The following NKD1 variants were observed in gnomAD, a reference collection of about 807,000 sequenced individuals.
The protein encoded by NKD1 is NKD inhibitor of Wnt signaling pathway 1, also known as protein naked cuticle homolog 1.
In NKD1, 21 loss-of-function variants were observed where a neutral mutation model predicts 56.0. The observed-to-expected ratio is 0.38, with a 90% CI of 0.27 to 0.54. The LOEUF is 0.54. NKD1 is among the 20% of genes least tolerant of loss of function. NKD1 has a pLI of 0.82. For synonymous variants in NKD1, 263 were observed against 265.7 expected (o/e 0.99, Z 0.10); for missense variants, 578 against 642.7 (o/e 0.90, Z 1.09).
At chr16:50,608,591 G>A in intron 4 of NKD1, 1 of 582,478 alleles carries the variant, frequency 1.7e-6, no homozygotes, top group Non-Finnish European at 3.1e-6. Context: ...CTAGGTCCAT[G>A]TCCTGGCCCT....
intron 4 of NKD1, among the ~76,000 whole-genome samples, chr16:50,617,687 C>T (rs1370775602): frequency 6.6e-6 from 1 of 152,158 alleles, no homozygotes; most frequent in Non-Finnish European, 1.5e-5. Flanking sequence ...TTACCAACCC[C>T]CCAGATTCAT....
At chr16:50,597,587 A>G (rs1961501202) in intron 3 of NKD1, among the ~76,000 whole-genome samples, 3 of 152,214 alleles carry the variant, frequency 2.0e-5, no homozygotes, top group African/African-American at 7.2e-5. Context: ...CCTTCCAGAA[A>G]CATTCTGGAA....
chr16:50,595,484 G>A (rs1961453270), intron 3 of NKD1, among the ~76,000 whole-genome samples: 1 of 152,082 alleles, frequency 6.6e-6, no homozygotes, highest in African/African-American at 2.4e-5. Context: ...GAAATGTGGG[G>A]CTCAGACAGC....
chr16:50,608,021 T>G, intron 3 of NKD1: 5 of 443,722 alleles, frequency 1.1e-5, no homozygotes, highest in East Asian at 4.4e-5. Flanking sequence ...CCGGAAGGCA[T>G]GTGTGTTGGT....
At chr16:50,576,283 G>GCTATA in intron 3 of NKD1, among the ~76,000 whole-genome samples, 1 of 152,260 alleles carries the variant, frequency 6.6e-6, no homozygotes, top group South Asian at 2.1e-4. Flanking sequence ...GGGAGGAGCA[G>GCTATA]CTATACTCAC....
rs757940828 is a variant in NKD1, at chr16:50,641,700, G to T, written c.*7919G>T. 1.3e-5 allele frequency: 2 copies of T among 152,274 alleles called. No homozygotes were observed. Among genetic ancestry groups the T allele is most frequent in the Non-Finnish European group, 2.9e-5 (2 of 68,084 alleles). The allele number at this position is 152,274 out of a possible 1,614,324, so 9.4% of individuals were successfully genotyped here. A position where few individuals can be genotyped will look rare whatever the true frequency, so the allele number is the denominator to read the frequency against. On this transcript the variant is annotated 3_prime_UTR_variant, in exon 10 of 10. Transcript: ENST00000268459. Reference sequence around the variant, plus strand: ...AGCCTCAAGCACCTAAGTTTTGGAGGTCAGTGATGCCACTTAAAAACCTGT... The same window carrying T: ...AGCCTCAAGCACCTAAGTTTTGGAGTTCAGTGATGCCACTTAAAAACCTGT...
At chr16:50,556,915 T>C (rs1960516827) in intron 3 of NKD1, 1 of 152,044 alleles carries the variant, frequency 6.6e-6, no homozygotes, top group African/African-American at 2.4e-5. Context: ...TCAAGGTACA[T>C]GTACAGGTTT....
At position 50,636,629 on chromosome 16, in the gene NKD1, T is replaced by G. The variant is rs1200558800; in HGVS notation, c.*2848T>G. ...CTTCAATTGAAATACTGTGCCTCAG[T>G]TTCTCCTTTATAAAGGCAGGGATCA... On this transcript the variant is annotated 3_prime_UTR_variant, in exon 10 of 10. Transcript: ENST00000268459. 6.6e-6 allele frequency: 1 copy of G among 152,210 alleles called. No individual in the cohort carries two copies. The highest frequency in any genetic ancestry group is 2.4e-5 in the African/African-American group (1 of 41,462). The allele number at this position is 152,210 out of a possible 1,614,324, so 9.4% of individuals were successfully genotyped here.
At chr16:50,597,238 G>A (rs926060373) in intron 3 of NKD1, among the ~76,000 whole-genome samples, 1 of 152,100 alleles carries the variant, frequency 6.6e-6, no homozygotes, top group Non-Finnish European at 1.5e-5. Context: ...AGCCTCTGGG[G>A]TGTCTGGCCA....
intron 4 of NKD1, 145 bp downstream of exon 4, chr16:50,608,505 A>C: frequency 1.2e-5 from 6 of 503,838 alleles, no homozygotes; most frequent in Admixed American, 2.1e-5. Context: ...GGTGGACTAG[A>C]GGGTGGGATG....
At position 50,647,168 on chromosome 16, in the gene NKD1, A is replaced by C. The variant is rs890450151; in HGVS notation, c.*13387A>C. 1 of 152,218 alleles carries C rather than the reference A, an allele frequency of 6.6e-6. No homozygotes were observed. Among genetic ancestry groups the C allele is most frequent in the Non-Finnish European group, 1.5e-5 (1 of 68,040 alleles). 9.4% of individuals were successfully genotyped at this position (152,218 alleles called of 1,614,324 possible). Reference sequence around the variant, plus strand: ...TGTGGTCTCTGTAGTTGACCCCATCATCCTTTCTGTCCATAGGTGATTCGT... The same window carrying C: ...TGTGGTCTCTGTAGTTGACCCCATCCTCCTTTCTGTCCATAGGTGATTCGT... On this transcript the variant is annotated 3_prime_UTR_variant, in exon 10 of 10. Coordinates refer to ENST00000268459, the MANE Select transcript of NKD1 (RefSeq NM_033119.5).
chr16:50,589,713 T>C (rs190451478), intron 3 of NKD1, among the ~76,000 whole-genome samples: 5 of 35,430 alleles, frequency 1.4e-4, no homozygotes, highest in East Asian at 6.3e-4. Context: ...TCTTCTCTTC[T>C]CTTCTCTTCT....
chr16:50,560,823 C>CT lies in NKD1; in HGVS notation c.192+11268_192+11269insT, dbSNP rs1555487407. On this transcript the variant is annotated intron_variant, in intron 3 of 9. Coordinates refer to ENST00000268459, the MANE Select transcript of NKD1 (RefSeq NM_033119.5). ...CTTTACACACACCTATACCCAAACC[C>CT]ATCTATCTATCTATCTATCTATCTA... Among the ~76,000 whole-genome samples the CT allele has an allele frequency of 7.1e-3, 1,058 of 148,656 alleles. 6 individuals carry two copies. Among genetic ancestry groups the CT allele is most frequent in the African/African-American group, 0.024 (972 of 40,150 alleles).
chr16:50,624,558 A>G (rs1962167469), intron 5 of NKD1, among the ~76,000 whole-genome samples: 7 of 152,320 alleles, frequency 4.6e-5, no homozygotes, highest in Admixed American at 3.3e-4. Flanking sequence ...TCCTGTTTCC[A>G]ATTCCCATAA....
chr16:50,634,667 T>C lies in NKD1; in HGVS notation c.*886T>C, dbSNP rs1339234185. The C allele has an allele frequency of 6.6e-6, 1 of 152,508 alleles. No individual in the cohort carries two copies. The highest frequency in any genetic ancestry group is 1.5e-5 in the Non-Finnish European group (1 of 68,038). The allele number at this position is 152,508 out of a possible 1,614,324, so 9.4% of individuals were successfully genotyped here. A position where few individuals can be genotyped will look rare whatever the true frequency, so the allele number is the denominator to read the frequency against. On this transcript the variant is annotated 3_prime_UTR_variant, in exon 10 of 10. Coordinates refer to ENST00000268459, the MANE Select transcript of NKD1 (RefSeq NM_033119.5). ...TCTCTAACAGAGCTTTCTGTATCTA[T>C]AGATAGATGCCATCTGTCCATTTCT...
intron 3 of NKD1, chr16:50,574,703 C>A: frequency 1.0e-6 from 1 of 985,444 alleles, no homozygotes; most frequent in Non-Finnish European, 1.2e-6. Context: ...CAGGCAGAGG[C>A]CCTCTGAGGG....
intron 3 of NKD1, among the ~76,000 whole-genome samples, chr16:50,580,550 C>G (rs1961096069): frequency 6.6e-6 from 1 of 152,218 alleles, no homozygotes; most frequent in African/African-American, 2.4e-5. Context: ...CGGGTGGCAG[C>G]ACCAGTCGAA....
intron 3 of NKD1, among the ~76,000 whole-genome samples, chr16:50,603,823 A>C (rs1175778614): frequency 6.6e-6 from 1 of 152,204 alleles, no homozygotes; most frequent in South Asian, 2.1e-4. Context: ...CTGTGCCCGG[A>C]GGAGCTGGCC....
At chr16:50,566,775 C>T (rs2151265532) in intron 3 of NKD1, among the ~76,000 whole-genome samples, 1 of 152,310 alleles carries the variant, frequency 6.6e-6, no homozygotes, top group Non-Finnish European at 1.5e-5. Flanking sequence ...TGGTTTGCCA[C>T]CTCCTCCATG....
Sources: gnomAD v4.1 joint callset for allele counts (sites outside exome capture counted in the v4.1 genomes callset) on GRCh38, gnomAD v4.1.1 for gene constraint, MANE v1.5 for transcripts, NCBI Gene and HGNC (gene_info 2026-07-23, HGNC 2026-07-21) for gene names.